Variants in DRD2 observed in about 807,000 individuals in gnomAD.
DRD2 encodes D(2) dopamine receptor.
Under a neutral mutation model 38.0 loss-of-function variants are expected in DRD2, and 8 were observed. The observed-to-expected ratio is 0.21, with a 90% CI of 0.12 to 0.38. The LOEUF is 0.38. DRD2 is among the 10% of genes least tolerant of loss of function. DRD2 has a pLI of 1.00. For synonymous variants in DRD2, 230 were observed against 238.6 expected (o/e 0.96, Z 0.33); for missense variants, 403 against 607.7 (o/e 0.66, Z 3.54).
intron 4 of DRD2, among the ~76,000 whole-genome samples, chr11:113,416,645 G>A (rs577719132): frequency 5.9e-5 from 9 of 152,280 alleles, no homozygotes; most frequent in South Asian, 2.1e-4. Context: ...ATCCAACTCC[G>A]TTGTGTCCTG....
intron 1 of DRD2, among the ~76,000 whole-genome samples, chr11:113,463,390 G>A (rs1316261150): frequency 1.3e-5 from 2 of 152,156 alleles, no homozygotes; most frequent in Admixed American, 1.3e-4. Context: ...TGTCAGGGAC[G>A]GGTCCCAGAT....
intron 2 of DRD2, 112 bp from the exon 3 acceptor site, chr11:113,418,248 A>G (rs1388096213): frequency 1.0e-5 from 9 of 858,286 alleles, no homozygotes; most frequent in Non-Finnish European, 1.7e-5. Flanking sequence ...GGCAGCTGCA[A>G]GTCTTGTGGG....
intron 1 of DRD2, among the ~76,000 whole-genome samples, chr11:113,444,282 G>T (rs556913185): frequency 6.6e-6 from 1 of 152,102 alleles, no homozygotes; most frequent in Non-Finnish European, 1.5e-5. Context: ...AGTGATCTGC[G>T]TGCCTCAGCC....
At chr11:113,420,064 C>T (rs1043677667) in intron 2 of DRD2, among the ~76,000 whole-genome samples, 1 of 152,158 alleles carries the variant, frequency 6.6e-6, no homozygotes, top group African/African-American at 2.4e-5. Context: ...ACAGAGTGTG[C>T]CTTTAGGGTA....
Position 113,415,364 on chromosome 11 carries a change from C to G in DRD2, c.723+57G>C. On this transcript the variant is annotated intron_variant, in intron 5 of 7. Transcript: ENST00000362072. ...GCCCCCACCTGAGCATAAGATGAGC[C>G]CTCTTGGTAATGGTTAGGTGGGGAC... 4 of 1,551,220 alleles carry G rather than the reference C, an allele frequency of 2.6e-6. No homozygotes were observed. In the South Asian group the frequency reaches 5.0e-5, roughly 19 times the overall value.
At chr11:113,440,852 C>T (rs1249790595) in intron 1 of DRD2, among the ~76,000 whole-genome samples, 3 of 152,220 alleles carry the variant, frequency 2.0e-5, no homozygotes, top group Admixed American at 6.5e-5. Context: ...ATAAACACTT[C>T]GGTCTTACCT....
intron 2 of DRD2, 90 bp downstream of exon 2, chr11:113,424,277 T>G: frequency 6.9e-7 from 1 of 1,448,968 alleles, no homozygotes; most frequent in Non-Finnish European, 9.5e-7. Context: ...GGAAACTCAT[T>G]GGTAAAAGCC....
intron 1 of DRD2, among the ~76,000 whole-genome samples, chr11:113,437,355 G>A (rs1444213134): frequency 3.3e-5 from 5 of 151,612 alleles, no homozygotes; most frequent in Admixed American, 2.0e-4. Context: ...TCCTGTGTCC[G>A]AGGCACATCT....
intron 1 of DRD2, among the ~76,000 whole-genome samples, chr11:113,451,783 T>C (rs537091784): frequency 6.6e-6 from 1 of 152,298 alleles, no homozygotes; most frequent in Admixed American, 6.5e-5. Context: ...TATCCTCTCT[T>C]AAACCCAGCT....
At chr11:113,425,760 G>A (rs534612995) in intron 1 of DRD2, among the ~76,000 whole-genome samples, 2 of 152,100 alleles carry the variant, frequency 1.3e-5, no homozygotes, top group Non-Finnish European at 2.9e-5. Flanking sequence ...GGTATCATCT[G>A]GGATGAAGTA....
chr11:113,424,279 GT>G (rs1950915026), intron 2 of DRD2, 87 bp downstream of exon 2: 2 of 1,470,664 alleles, frequency 1.4e-6, no homozygotes, highest in Admixed American at 1.9e-5. Flanking sequence ...AAACTCATTG[GT>G]AAAAGCCAGT....
At chr11:113,427,480 C>G (rs992492908) in intron 1 of DRD2, among the ~76,000 whole-genome samples, 4 of 152,090 alleles carry the variant, frequency 2.6e-5, no homozygotes, top group African/African-American at 9.7e-5. Context: ...ACAAGAGTTA[C>G]AACATGTCTT....
At position 113,422,222 on chromosome 11, in the gene DRD2, C is replaced by A. The variant is rs192346854; in HGVS notation, c.285+2145G>T. On this transcript the variant is annotated intron_variant, in intron 2 of 7. Transcript: ENST00000362072. Reference sequence around the variant, plus strand: ...CGGTGAATAGGAAAGACAGAGTCCTCCCTATGTGGAGCAGTGCTGGATGTC... The same window carrying A: ...CGGTGAATAGGAAAGACAGAGTCCTACCTATGTGGAGCAGTGCTGGATGTC... Among the ~76,000 whole-genome samples the A allele has an allele frequency of 2.5e-3, 380 of 152,328 alleles. 7 individuals carry two copies. The highest frequency in any genetic ancestry group is 2.6e-3 in the Non-Finnish European group (180 of 68,030).
chr11:113,456,678 G>C (rs1213414848), intron 1 of DRD2, among the ~76,000 whole-genome samples: 1 of 152,154 alleles, frequency 6.6e-6, no homozygotes, highest in Non-Finnish European at 1.5e-5. Context: ...TGCATTATGT[G>C]AGGTATCTAA....
chr11:113,435,029 G>A (rs900602056), intron 1 of DRD2, among the ~76,000 whole-genome samples: 9 of 152,178 alleles, frequency 5.9e-5, no homozygotes, highest in East Asian at 3.9e-4. Flanking sequence ...AGACAACCCC[G>A]CTCTCTGCTT....
chr11:113,410,839 A>C lies in DRD2; in HGVS notation c.1220T>G (p.Leu407Arg). The change falls in exon 8 of 8, where the codon CTG becomes CGG. Residue 407 changes from leucine (L) to arginine (R), a missense_variant. Physicochemically the swap from Leu to Arg is moderately radical, Grantham distance 102 (BLOSUM62 -2). Transcript: ENST00000362072. ...GCCCAGCCACGTGAAGGCGCTGTAC[A>C]GGACAGGCGGGATGTTGCAGTCACA... ...IHCDCNIPPVLYSAFTWLGYV... is the reference protein window; with the variant it reads ...IHCDCNIPPVRYSAFTWLGYV... 6.2e-7 allele frequency: 1 copy of C among 1,614,172 alleles called. No individual in the cohort carries two copies. Among genetic ancestry groups the C allele is most frequent in the Non-Finnish European group, 8.5e-7 (1 of 1,180,022 alleles).
intron 6 of DRD2, 95 bp from the exon 7 acceptor site, chr11:113,412,978 C>G (rs374671490): frequency 7.4e-7 from 1 of 1,359,490 alleles, no homozygotes. Context: ...CCTCTGAAGA[C>G]TCCTGCAAAC....
chr11:113,410,635 C>A lies in DRD2; in HGVS notation c.*92G>T. ...CGGGGTGAAGAGGAGGCCGATCCACCCAGGCCTTCCTGCTCACGGTTCGCA... is the reference window on the plus strand; with the variant it reads ...CGGGGTGAAGAGGAGGCCGATCCACACAGGCCTTCCTGCTCACGGTTCGCA... On this transcript the variant is annotated 3_prime_UTR_variant, in exon 8 of 8. Coordinates refer to ENST00000362072, the MANE Select transcript of DRD2 (RefSeq NM_000795.4). 1.3e-6 allele frequency: 2 copies of A among 1,537,486 alleles called. No homozygotes were observed.
rs35352421 is a variant in DRD2, at chr11:113,416,789, G to T, written c.532+74C>A. ...CACCCATATCTGTGCCAGGGACTCTGCTCCCTCAGGGCCCTTCGAGGGAGC... is the reference window on the plus strand; with the variant it reads ...CACCCATATCTGTGCCAGGGACTCTTCTCCCTCAGGGCCCTTCGAGGGAGC... On this transcript the variant is annotated intron_variant, in intron 4 of 7. Transcript: ENST00000362072. 0.061 allele frequency: 95,845 copies of T among 1,575,216 alleles called. 3,366 individuals are homozygous for T. Among genetic ancestry groups the T allele is most frequent in the Non-Finnish European group, 0.069 (79,966 of 1,158,560 alleles).
Sources: allele counts gnomAD v4.1 joint callset (sites outside exome capture counted in the v4.1 genomes callset), GRCh38; gene constraint gnomAD v4.1.1; transcripts MANE v1.5; gene names NCBI Gene and HGNC (gene_info 2026-07-23, HGNC 2026-07-21).